TRMT11: variants seen among roughly 807,000 people sequenced by gnomAD.
The protein encoded by TRMT11 is tRNA methyltransferase 11, also known as tRNA (guanine(10)-N(2))-methyltransferase TRMT11.
Under a neutral mutation model 62.8 loss-of-function variants are expected in TRMT11, and 53 were observed. The observed-to-expected ratio is 0.84, with a 90% CI of 0.68 to 1.06. TRMT11 has a LOEUF of 1.06. Among genes scored for constraint, TRMT11 ranks in the 50% least tolerant of loss-of-function variants. The pLI is 0.00. For synonymous variants in TRMT11, 188 were observed against 190.3 expected, an observed-to-expected ratio of 0.99 and a Z score of 0.10; for missense variants, 556 against 553.4, an observed-to-expected ratio of 1.00 and a Z score of -0.05.
At chr6:126,073,338 A>AAG (rs1190405977) in intron 17 of TRMT11, among the ~76,000 whole-genome samples, 1 of 152,150 alleles carries the variant, frequency 6.6e-6, no homozygotes, top group East Asian at 1.9e-4. Context: ...GACTACCAAA[A>AAG]AGAGAGAGAC....
At chr6:126,112,012 C>T (rs1326780487) in intron 17 of TRMT11, among the ~76,000 whole-genome samples, 1 of 152,118 alleles carries the variant, frequency 6.6e-6, no homozygotes, top group Non-Finnish European at 1.5e-5. Flanking sequence ...TCTGTCTCTT[C>T]TAAACTCCTA....
chr6:126,082,311 A>C (rs1777165964), intron 17 of TRMT11, among the ~76,000 whole-genome samples: 1 of 152,170 alleles, frequency 6.6e-6, no homozygotes, highest in African/African-American at 2.4e-5. Context: ...TATTGCTGTA[A>C]TGTAATATAC....
intron 17 of TRMT11, among the ~76,000 whole-genome samples, chr6:126,104,527 T>A (rs1777441559): frequency 6.6e-6 from 1 of 152,174 alleles, no homozygotes. Flanking sequence ...TGTGGCTCAG[T>A]GGGCCTGTCC....
At chr6:126,227,286 T>C in the TRMT11 span, among the ~76,000 whole-genome samples, 1 of 152,214 alleles carries the variant, frequency 6.6e-6, no homozygotes, top group South Asian at 2.1e-4. Context: ...CCATTTACCC[T>C]GGAGAGTCTT....
the TRMT11 span, among the ~76,000 whole-genome samples, chr6:126,268,470 C>G: frequency 2.0e-5 from 3 of 152,058 alleles, no homozygotes; most frequent in African/African-American, 7.2e-5. Flanking sequence ...CAGTAATAAC[C>G]CAACCTTTAC....
At position 126,012,759 on chromosome 6, in the gene TRMT11, T is replaced by G. The variant is rs746580741; in HGVS notation, c.926-12T>G. On this transcript the variant is annotated splice_polypyrimidine_tract_variant and intron_variant, in intron 9 of 12. Transcript: ENST00000334379. ...CTTTTGACTATCTGTGTTACCTTTG[T>G]TTTCTGTCTAGCTCCATATGGTATC... 6.2e-7 allele frequency: 1 copy of G among 1,609,250 alleles called. No homozygotes were observed.
Position 126,011,435 on chromosome 6 carries a change from CAA to C in TRMT11, c.925+21_925+22del. 1 of 1,597,730 alleles carries C rather than the reference CAA, an allele frequency of 6.3e-7. No individual in the cohort carries two copies. Among genetic ancestry groups the C allele is most frequent in the Non-Finnish European group, 8.5e-7 (1 of 1,170,788 alleles). On this transcript the variant is annotated intron_variant, in intron 9 of 12. Coordinates refer to ENST00000334379, the MANE Select transcript of TRMT11 (RefSeq NM_001031712.3). ...TACTGATCGTAAGTTTATTTTTATA[CAA>C]AAGTAGGAGTAGGATTCGTTTTGTA...
At chr6:126,062,288 T>A (rs891455652) in intron 17 of TRMT11, among the ~76,000 whole-genome samples, 2 of 152,240 alleles carry the variant, frequency 1.3e-5, no homozygotes, top group Non-Finnish European at 2.9e-5. Context: ...TAGTTCATGT[T>A]GTGGAAAAAT....
the TRMT11 span, among the ~76,000 whole-genome samples, chr6:126,260,935 G>A: frequency 2.6e-5 from 4 of 152,264 alleles, no homozygotes; most frequent in African/African-American, 9.6e-5. Context: ...TAATTGAGGA[G>A]CTTTGAGTTT....
intron 2 of TRMT11, among the ~76,000 whole-genome samples, chr6:125,994,184 G>A (rs79391692): frequency 0.028 from 4,288 of 152,274 alleles, 199 homozygotes; most frequent in African/African-American, 0.099. Context: ...CATTGTATAA[G>A]ACTGAATTTA....
chr6:126,042,860 A>G (rs1775920456), downstream of TRMT11, among the ~76,000 whole-genome samples: 1 of 152,148 alleles, frequency 6.6e-6, no homozygotes, highest in Non-Finnish European at 1.5e-5. Context: ...TGGACTGCCA[A>G]AGTAATGTGT....
intron 17 of TRMT11, among the ~76,000 whole-genome samples, chr6:126,057,758 C>T (rs1003373519): frequency 6.6e-6 from 1 of 152,146 alleles, no homozygotes; most frequent in Non-Finnish European, 1.5e-5. Flanking sequence ...ACGGCGTCTG[C>T]GTGTGAGTTG....
intron 21 of TRMT11, among the ~76,000 whole-genome samples, chr6:126,144,314 T>C (rs1165732030): frequency 6.6e-6 from 1 of 152,138 alleles, no homozygotes; most frequent in African/African-American, 2.4e-5. Context: ...AAATTGGAGG[T>C]TCTTATTTGG....
intron 12 of TRMT11, among the ~76,000 whole-genome samples, chr6:126,026,070 C>G (rs913979250): frequency 2.6e-5 from 4 of 152,108 alleles, no homozygotes; most frequent in African/African-American, 7.2e-5. Flanking sequence ...TAAGAAGGGC[C>G]AGGTTTTTTC....
intron 17 of TRMT11, among the ~76,000 whole-genome samples, chr6:126,074,461 C>T (rs1776952158): frequency 6.6e-6 from 1 of 152,038 alleles, no homozygotes; most frequent in South Asian, 2.1e-4. Flanking sequence ...GTGGAAATAT[C>T]TAAGCTCAAA....
intron 12 of TRMT11, among the ~76,000 whole-genome samples, chr6:126,029,662 A>G (rs1284485649): frequency 6.6e-6 from 1 of 152,182 alleles, no homozygotes; most frequent in Admixed American, 6.6e-5. Context: ...TTGGTCTGCT[A>G]CTCATTTATT....
At chr6:126,039,867 A>C (rs887474646), downstream of TRMT11, among the ~76,000 whole-genome samples, 3 of 152,042 alleles carry the variant, frequency 2.0e-5, no homozygotes, top group African/African-American at 7.2e-5. Flanking sequence ...TAATGTGCAC[A>C]GCTTAGGACC....
chr6:126,117,427 A>G (rs1777602575), intron 21 of TRMT11, among the ~76,000 whole-genome samples: 1 of 152,084 alleles, frequency 6.6e-6, no homozygotes, highest in Non-Finnish European at 1.5e-5. Context: ...TCTGTGTGTC[A>G]GAAAGAATGT....
chr6:126,263,382 T>C, the TRMT11 span, among the ~76,000 whole-genome samples: 11 of 152,174 alleles, frequency 7.2e-5, no homozygotes, highest in Non-Finnish European at 1.3e-4. Context: ...GGCAAACATA[T>C]AAATATATCA....
Sources: gnomAD v4.1 joint callset for allele counts (sites outside exome capture counted in the v4.1 genomes callset) on GRCh38, gnomAD v4.1.1 for gene constraint, MANE v1.5 for transcripts, NCBI Gene and HGNC (gene_info 2026-07-23, HGNC 2026-07-21) for gene names.